The following CTIF variants were observed in gnomAD, a reference collection of about 807,000 sequenced individuals.
CTIF encodes the protein CBP80/20-dependent translation initiation factor.
A neutral mutation model predicts 66.0 loss-of-function variants in CTIF; 21 were observed. The ratio of observed to expected loss-of-function variants is 0.32; its 90% CI spans 0.23 to 0.46. CTIF has a LOEUF of 0.46. CTIF is among the 20% of genes least tolerant of loss of function. The pLI is 1.00. For synonymous variants in CTIF, 345 were observed against 326.4 expected, an observed-to-expected ratio of 1.06 and a Z score of -0.62; for missense variants, 739 against 812.7, an observed-to-expected ratio of 0.91 and a Z score of 1.10.
Position 48,863,178 on chromosome 18 carries a change from A to G in CTIF, c.*3619A>G, listed in dbSNP as rs1260660469. The G allele has an allele frequency of 7.7e-6, 1 of 129,764 alleles. No homozygotes were observed. The highest frequency in any genetic ancestry group is 7.5e-5 in the Admixed American group (1 of 13,318). 8.0% of individuals were successfully genotyped at this position (129,764 alleles called of 1,614,324 possible). On this transcript the variant is annotated 3_prime_UTR_variant, in exon 12 of 12. Transcript: ENST00000256413. ...GCTTTCCAGCTGAACCCAAACTACA[A>G]GTGGGTTTAAAAAAATAAACACCAC... is the stretch of plus-strand genomic sequence containing the variant.
chr18:48,656,438 C>T (rs2144824934), intron 3 of CTIF, among the ~76,000 whole-genome samples: 1 of 152,314 alleles, frequency 6.6e-6, no homozygotes, highest in East Asian at 1.9e-4. Context: ...CACGCTTGGG[C>T]AGTGCTGGCA....
At chr18:48,709,128 C>T (rs2092194814) in intron 6 of CTIF, among the ~76,000 whole-genome samples, 1 of 152,224 alleles carries the variant, frequency 6.6e-6, no homozygotes, top group African/African-American at 2.4e-5. Context: ...CTCCATTTTA[C>T]AGATATGGAA....
intron 9 of CTIF, among the ~76,000 whole-genome samples, chr18:48,814,844 TC>T: frequency 6.6e-6 from 1 of 152,264 alleles, no homozygotes; most frequent in Non-Finnish European, 1.5e-5. Context: ...TCTCTTGTGG[TC>T]CCTTTTCACC....
At chr18:48,631,219 C>T (rs1421597329) in intron 2 of CTIF, among the ~76,000 whole-genome samples, 1 of 152,142 alleles carries the variant, frequency 6.6e-6, no homozygotes, top group Non-Finnish European at 1.5e-5. Context: ...AATCCTAGCA[C>T]TTGGGAGGCC....
intron 10 of CTIF, among the ~76,000 whole-genome samples, chr18:48,829,670 A>G (rs2068650753): frequency 6.6e-6 from 1 of 152,206 alleles, no homozygotes; most frequent in Non-Finnish European, 1.5e-5. Context: ...GGGCATAAGC[A>G]CGCTGGGGTC....
At chr18:48,694,554 C>T (rs1386735027) in intron 6 of CTIF, among the ~76,000 whole-genome samples, 8 of 152,250 alleles carry the variant, frequency 5.3e-5, no homozygotes, top group Non-Finnish European at 8.8e-5. Context: ...ATACCAACTA[C>T]GTCAGCAGGG....
At chr18:48,639,233 A>G (rs1438773275) in intron 3 of CTIF, among the ~76,000 whole-genome samples, 1 of 152,228 alleles carries the variant, frequency 6.6e-6, no homozygotes, top group South Asian at 2.1e-4. Context: ...GCTTACAGCC[A>G]CGGAAACCTC....
At chr18:48,779,346 A>G (rs967721596) in intron 9 of CTIF, among the ~76,000 whole-genome samples, 1 of 152,190 alleles carries the variant, frequency 6.6e-6, no homozygotes, top group African/African-American at 2.4e-5. Context: ...AGAAAGTTCC[A>G]GAGAGCTTAG....
At chr18:48,731,615 G>A (rs1171705084) in intron 7 of CTIF, among the ~76,000 whole-genome samples, 2 of 152,086 alleles carry the variant, frequency 1.3e-5, no homozygotes, top group African/African-American at 4.8e-5. Context: ...TGGATGGATG[G>A]GATTTCTTCA....
At chr18:48,764,929 A>G (rs75937431) in intron 9 of CTIF, among the ~76,000 whole-genome samples, 8,824 of 152,230 alleles carry the variant, frequency 0.058, 349 homozygotes, top group South Asian at 0.1. Context: ...GGCTGCCCTG[A>G]TCCCACAATG....
chr18:48,839,662 C>G lies in CTIF; in HGVS notation c.1528-17926C>G, dbSNP rs546761138. Reference sequence around the variant, plus strand: ...AATCCAGGCAGTCTCACTTTACAGCCTTAGTTCCAAATGCTGATCTGCTTA... The same window carrying G: ...AATCCAGGCAGTCTCACTTTACAGCGTTAGTTCCAAATGCTGATCTGCTTA... On this transcript the variant is annotated intron_variant, in intron 10 of 11. Transcript: ENST00000256413. Among the ~76,000 whole-genome samples the G allele has an allele frequency of 5.3e-5, 8 of 152,326 alleles. No individual in the cohort carries two copies. In the South Asian group the frequency reaches 8.3e-4, roughly 16 times the overall value.
At chr18:48,649,150 G>T (rs1568103679) in intron 3 of CTIF, among the ~76,000 whole-genome samples, 1 of 152,152 alleles carries the variant, frequency 6.6e-6, no homozygotes, top group Non-Finnish European at 1.5e-5. Flanking sequence ...GCTGGGTGGG[G>T]CATTGCGTCA....
At chr18:48,592,030 G>A (rs936939737) in intron 1 of CTIF, among the ~76,000 whole-genome samples, 14 of 152,214 alleles carry the variant, frequency 9.2e-5, no homozygotes, top group Admixed American at 3.3e-4. Flanking sequence ...GGGATTACAG[G>A]TGTGAGCCAC....
chr18:48,735,096 CGTGTGTGTGT>C (rs34150644), intron 7 of CTIF, among the ~76,000 whole-genome samples: 1 of 149,852 alleles, frequency 6.7e-6, no homozygotes, highest in South Asian at 2.1e-4. Context: ...AGTTTGTGTG[CGTGTGTGTGT>C]GTGTGTGTGT....
chr18:48,548,427 C>G (rs920656512), intron 1 of CTIF, among the ~76,000 whole-genome samples: 13 of 152,334 alleles, frequency 8.5e-5, no homozygotes, highest in African/African-American at 2.9e-4. Context: ...TTACAGCATG[C>G]GGTTTATCTG....
At chr18:48,728,436 A>T (rs1390992612) in intron 7 of CTIF, among the ~76,000 whole-genome samples, 2 of 152,218 alleles carry the variant, frequency 1.3e-5, no homozygotes, top group Admixed American at 1.3e-4. Context: ...TAGCAGCTTA[A>T]AATAAGCACT....
At chr18:48,730,428 CTGTGAGGGGCCCCTGTGG>C (rs1411774340) in intron 7 of CTIF, among the ~76,000 whole-genome samples, 1 of 25,212 alleles carries the variant, frequency 4.0e-5, no homozygotes, top group Non-Finnish European at 8.4e-5. Flanking sequence ...GGCCCCTGCG[CTGTGAGGGGCCCCTGTGG>C]TGTGAGGGGC....
chr18:48,859,725 C>A lies in CTIF; in HGVS notation c.*166C>A. 1.4e-6 allele frequency: 1 copy of A among 711,082 alleles called. No individual in the cohort carries two copies. Among genetic ancestry groups the A allele is most frequent in the South Asian group, 1.5e-5 (1 of 65,608 alleles). 44.0% of individuals were successfully genotyped at this position (711,082 alleles called of 1,614,324 possible). ...GAGCCAGACGGGGAAGGGAGCAAAT[C>A]CCTGAGAGGAGTGCCCCCGCACAAG... On this transcript the variant is annotated 3_prime_UTR_variant, in exon 12 of 12. Transcript: ENST00000256413.
intron 6 of CTIF, among the ~76,000 whole-genome samples, chr18:48,708,493 G>A (rs1220064046): frequency 1.3e-5 from 2 of 152,212 alleles, no homozygotes; most frequent in Non-Finnish European, 2.9e-5. Context: ...GGTTCCCGGT[G>A]CTGGAAGTTC....
Sources: gnomAD v4.1 joint callset for allele counts (sites outside exome capture counted in the v4.1 genomes callset) on GRCh38, gnomAD v4.1.1 for gene constraint, MANE v1.5 for transcripts, NCBI Gene and HGNC (gene_info 2026-07-23, HGNC 2026-07-21) for gene names.